Variants in PTPRO observed in about 807,000 individuals in gnomAD.
The protein encoded by PTPRO is protein tyrosine phosphatase receptor type O, also known as receptor-type tyrosine-protein phosphatase O.
PTPRO carries 62 observed loss-of-function variants against 145.2 expected under a neutral mutation model. The observed-to-expected ratio is 0.43, with a 90% confidence interval of 0.35 to 0.53. PTPRO has a LOEUF of 0.53. Ranked by LOEUF, PTPRO falls within the 20% of genes least tolerant of loss-of-function variation. PTPRO has a pLI of 0.01. For synonymous variants in PTPRO, 565 were observed against 514.7 expected (o/e 1.10, Z -1.32); for missense variants, 1,345 against 1,482.7 (o/e 0.91, Z 1.53).
At chr12:15,397,818 T>A (rs1939384104) in intron 1 of PTPRO, among the ~76,000 whole-genome samples, 1 of 152,190 alleles carries the variant, frequency 6.6e-6, no homozygotes, top group African/African-American at 2.4e-5. Flanking sequence ...CTCTGAATAC[T>A]CTTTGACCAA....
chr12:15,527,490 C>T (rs750025621), intron 12 of PTPRO, among the ~76,000 whole-genome samples: 3 of 152,150 alleles, frequency 2.0e-5, no homozygotes, highest in African/African-American at 7.2e-5. Context: ...ACTACCATTC[C>T]CAGTCCCAGC....
chr12:15,406,713 G>A (rs886433395), intron 1 of PTPRO, among the ~76,000 whole-genome samples: 12 of 152,030 alleles, frequency 7.9e-5, no homozygotes, highest in Non-Finnish European at 1.5e-4. Context: ...AAAGTGCCCT[G>A]GTAGAATTGT....
At chr12:15,451,954 A>G (rs566314701) in intron 1 of PTPRO, among the ~76,000 whole-genome samples, 1 of 152,274 alleles carries the variant, frequency 6.6e-6, no homozygotes, top group East Asian at 1.9e-4. Context: ...ACAAGAACAA[A>G]CCAAACTCAA....
chr12:15,502,299 C>A (rs1313768298), intron 5 of PTPRO, among the ~76,000 whole-genome samples: 2 of 152,034 alleles, frequency 1.3e-5, no homozygotes, highest in African/African-American at 2.4e-5. Context: ...TAAGTACTGC[C>A]AACTGTATAC....
chr12:15,504,940 A>G (rs1352063813), intron 6 of PTPRO, among the ~76,000 whole-genome samples: 1 of 152,200 alleles, frequency 6.6e-6, no homozygotes, highest in Non-Finnish European at 1.5e-5. Context: ...CTTAAAAGAA[A>G]AACCAAAAAT....
intron 23 of PTPRO, among the ~76,000 whole-genome samples, chr12:15,583,480 C>CAA (rs1491462780): frequency 1.0e-5 from 1 of 97,080 alleles, no homozygotes; most frequent in Non-Finnish European, 2.4e-5. Context: ...ACTCTATCTC[C>CAA]ACACACACAC....
chr12:15,346,001 G>A (rs1172076868), intron 1 of PTPRO, among the ~76,000 whole-genome samples: 1 of 152,130 alleles, frequency 6.6e-6, no homozygotes, highest in South Asian at 2.1e-4. Context: ...CAAGAAGAGA[G>A]TCCAAATCAG....
chr12:15,534,101 C>T (rs1454271903), intron 12 of PTPRO, among the ~76,000 whole-genome samples: 1 of 152,054 alleles, frequency 6.6e-6, no homozygotes, highest in African/African-American at 2.4e-5. Context: ...GGATGTTGAA[C>T]CAACCATCCC....
intron 1 of PTPRO, among the ~76,000 whole-genome samples, chr12:15,454,879 A>T (rs1374377671): frequency 6.6e-6 from 1 of 152,084 alleles, no homozygotes; most frequent in Non-Finnish European, 1.5e-5. Context: ...CACATCTAGG[A>T]TCAATAAAAC....
At chr12:15,391,655 G>T (rs1196424915) in intron 1 of PTPRO, among the ~76,000 whole-genome samples, 4 of 152,160 alleles carry the variant, frequency 2.6e-5, no homozygotes, top group Admixed American at 2.0e-4. Context: ...TACTCACCTT[G>T]GCTACCGCAA....
At chr12:15,447,073 A>C (rs892183565) in intron 1 of PTPRO, among the ~76,000 whole-genome samples, 1 of 152,146 alleles carries the variant, frequency 6.6e-6, no homozygotes, top group African/African-American at 2.4e-5. Context: ...CATTCAGCAT[A>C]TGAATCATCT....
At chr12:15,542,606 G>A (rs1432501625) in intron 12 of PTPRO, among the ~76,000 whole-genome samples, 1 of 152,078 alleles carries the variant, frequency 6.6e-6, no homozygotes, top group Non-Finnish European at 1.5e-5. Context: ...AACATAATAA[G>A]GGCCACATGT....
At chr12:15,461,608 G>C (rs1012365868) in intron 1 of PTPRO, among the ~76,000 whole-genome samples, 1 of 118,318 alleles carries the variant, frequency 8.5e-6, no homozygotes, top group South Asian at 2.9e-4. Context: ...TCGCTCTGTC[G>C]CCAGGCTGGA....
At chr12:15,489,302 G>A (rs1424102320) in intron 2 of PTPRO, among the ~76,000 whole-genome samples, 1 of 152,118 alleles carries the variant, frequency 6.6e-6, no homozygotes, top group African/African-American at 2.4e-5. Flanking sequence ...AGTGCACACC[G>A]CAAAGCAAAA....
chr12:15,392,398 A>T (rs1310254578), intron 1 of PTPRO, among the ~76,000 whole-genome samples: 1 of 152,150 alleles, frequency 6.6e-6, no homozygotes, highest in African/African-American at 2.4e-5. Context: ...TGTGCTGGCT[A>T]GTTGGCAGTA....
At chr12:15,440,380 G>A (rs749048018) in intron 1 of PTPRO, 12 of 351,882 alleles carry the variant, frequency 3.4e-5, no homozygotes, top group Admixed American at 1.7e-4. Context: ...AGAGGACTGA[G>A]GCTCCAGCTG....
At chr12:15,515,108 A>G (rs919158917) in intron 7 of PTPRO, among the ~76,000 whole-genome samples, 10 of 152,142 alleles carry the variant, frequency 6.6e-5, no homozygotes, top group Non-Finnish European at 4.4e-5. Flanking sequence ...CTTCTAAGTG[A>G]CAAGAGACTA....
At chr12:15,413,610 C>T (rs1460311645) in intron 1 of PTPRO, among the ~76,000 whole-genome samples, 2 of 152,134 alleles carry the variant, frequency 1.3e-5, no homozygotes, top group East Asian at 3.9e-4. Context: ...AAGTCAGGAG[C>T]TCAAGACCAG....
At chr12:15,540,526 G>T (rs541157730) in intron 12 of PTPRO, among the ~76,000 whole-genome samples, 24 of 152,210 alleles carry the variant, frequency 1.6e-4, no homozygotes, top group Admixed American at 1.4e-3. Flanking sequence ...TATAATCTTG[G>T]CCTCATAAAC....
Sources: gnomAD v4.1 joint callset for allele counts (sites outside exome capture counted in the v4.1 genomes callset) on GRCh38, gnomAD v4.1.1 for gene constraint, MANE v1.5 for transcripts, NCBI Gene and HGNC (gene_info 2026-07-23, HGNC 2026-07-21) for gene names.